ARHGEF18: variants seen among roughly 807,000 people sequenced by gnomAD.
The protein encoded by ARHGEF18 is Rho/Rac guanine nucleotide exchange factor 18, also known as rho guanine nucleotide exchange factor 18.
In ARHGEF18, 93 loss-of-function variants were observed where a neutral mutation model predicts 155.7. The observed-to-expected ratio is 0.60, with a 90% CI of 0.50 to 0.71. The LOEUF (loss-of-function observed/expected upper bound fraction) is 0.71, where lower values mean the gene tolerates loss of function less well. ARHGEF18 is among the 30% of genes least tolerant of loss of function. The pLI, the probability that ARHGEF18 is intolerant of heterozygous loss-of-function variation, is 0.00. For synonymous variants in ARHGEF18, 742 were observed against 753.1 expected, an observed-to-expected ratio of 0.99 and a Z score of 0.24; for missense variants, 1,593 against 1,816.1, an observed-to-expected ratio of 0.88 and a Z score of 2.23.
intron 27 of ARHGEF18, 78 bp from the exon 28 acceptor site, chr19:7,469,826 T>C: frequency 6.4e-7 from 1 of 1,550,396 alleles, no homozygotes; most frequent in South Asian, 1.2e-5. Flanking sequence ...GCCAGGCCCC[T>C]CTGCTCTCGG....
rs1459917142 is a variant in ARHGEF18 at position 7,467,290 on chromosome 19, T to C, written c.3086T>C (p.Leu1029Pro). Residue 1029 changes from leucine to proline, a missense_variant, in exon 26 of 29, where the codon CTG (leucine) becomes CCG (proline). Transcript: ENST00000668164. ...CAGGAGCGGGAGAAGCAGTTCCGGC[T>C]GCAGTCGACGCGTGGGAACCTGCTG... The part of the protein sequence containing the change: ...AIQEREKQFR[L>P]QSTRGNLLLE... 6.5e-7 allele frequency: 1 copy of C among 1,547,050 alleles called. No homozygotes were observed. Among genetic ancestry groups the C allele is most frequent in the African/African-American group, 1.4e-5 (1 of 73,190 alleles).
intron 1 of ARHGEF18, among the ~76,000 whole-genome samples, chr19:7,358,828 T>C (rs866560468): frequency 6.6e-6 from 1 of 152,154 alleles, no homozygotes; most frequent in Non-Finnish European, 1.5e-5. Flanking sequence ...GAGTGAAAAG[T>C]ACATGATGGG....
intron 10 of ARHGEF18, among the ~76,000 whole-genome samples, chr19:7,418,029 G>C (rs867757667): frequency 6.6e-6 from 1 of 152,238 alleles, no homozygotes; most frequent in African/African-American, 2.4e-5. Flanking sequence ...TCACAGTGAA[G>C]ACGGGTTCCT....
In ARHGEF18 at chr19:7,444,878, T is replaced by TC. The variant is rs1974891788; in HGVS notation, c.1611+429dup. 6.6e-6 allele frequency among the ~76,000 whole-genome samples: 1 copy of TC among 152,046 alleles called. No homozygotes were observed. Among genetic ancestry groups the TC allele is most frequent in the African/African-American group, 2.4e-5 (1 of 41,400 alleles). ...AGTCTCAAATTCCTGGCTTAAGCAA[T>TC]CCCCCTGCCTCGGCATCCCAAAGTG... is the stretch of plus-strand genomic sequence containing the variant. On this transcript the variant is annotated intron_variant, in intron 14 of 28. Coordinates refer to ENST00000668164, the MANE Select transcript of ARHGEF18 (RefSeq NM_001367823.1). This position sits in a 1 kb window ranked among gnomAD's most constrained non-coding sequence, Gnocchi z 4.7.
chr19:7,381,756 T>A (rs1051383742), intron 8 of ARHGEF18, among the ~76,000 whole-genome samples: 6 of 152,078 alleles, frequency 3.9e-5, no homozygotes, highest in African/African-American at 1.4e-4. Flanking sequence ...CTTTGAGCAT[T>A]ATCAGTTCTG....
rs745756720 is a variant in ARHGEF18, at chr19:7,468,966, C to T, written c.3622C>T (p.Arg1208Trp). 8.2e-6 allele frequency: 13 copies of T among 1,588,372 alleles called. No homozygotes were observed. Among genetic ancestry groups the T allele is most frequent in the Non-Finnish European group, 9.4e-6 (11 of 1,168,976 alleles). Reference sequence around the variant, plus strand: ...CCGGGACAGCGCCCCCACCGAGAACCGGCTGGCCAAGAGCGATGTGCCCAT... The same window carrying T: ...CCGGGACAGCGCCCCCACCGAGAACTGGCTGGCCAAGAGCGATGTGCCCAT... ...ARRDSAPTEN[R>W]LAKSDVPIQL... The change falls in exon 27 of 29, where the codon CGG becomes TGG. Residue 1208 changes from arginine (R) to tryptophan (W), a missense_variant. Transcript: ENST00000668164.
intron 20 of ARHGEF18, 57 bp downstream of exon 20, chr19:7,460,051 A>G: frequency 1.3e-6 from 2 of 1,508,996 alleles, no homozygotes; most frequent in Non-Finnish European, 1.8e-6. Context: ...TGGGCCCTCC[A>G]TCAGGACTGG....
chr19:7,439,178 C>T (rs1600443925), intron 10 of ARHGEF18, among the ~76,000 whole-genome samples: 1 of 151,988 alleles, frequency 6.6e-6, no homozygotes, highest in African/African-American at 2.4e-5. Flanking sequence ...CCACCGCACC[C>T]GGCCATAGTT....
intron 13 of ARHGEF18, among the ~76,000 whole-genome samples, chr19:7,443,064 T>C (rs1209844339): frequency 1.4e-5 from 2 of 142,112 alleles, no homozygotes; most frequent in East Asian, 4.2e-4. Flanking sequence ...AATTTTTTTT[T>C]TTTTTTTTTT....
chr19:7,383,486 T>C (rs1970847753), intron 10 of ARHGEF18: 1 of 398,360 alleles, frequency 2.5e-6, no homozygotes, highest in African/African-American at 2.1e-5. Flanking sequence ...GCTAGGGCTG[T>C]CATGACAAAG....
At chr19:7,432,435 T>C (rs990635160) in intron 10 of ARHGEF18, among the ~76,000 whole-genome samples, 1 of 152,192 alleles carries the variant, frequency 6.6e-6, no homozygotes, top group Non-Finnish European at 1.5e-5. Flanking sequence ...GACCAGGCCT[T>C]GAAACCGAGG....
At chr19:7,364,402 A>AAGGAAGGC (rs36151895) in intron 2 of ARHGEF18, among the ~76,000 whole-genome samples, 18,760 of 129,258 alleles carry the variant, frequency 0.15, 1,708 homozygotes, top group Middle Eastern at 0.2. Flanking sequence ...GGAAGGAAGG[A>AAGGAAGGC]AGGCAGGCTG....
chr19:7,440,155 G>A lies in ARHGEF18; in HGVS notation c.968-189G>A, dbSNP rs923630180. ...GACAGGCACAGCGCGCTCCCCGGCC[G>A]CCCCGAGCTGTCTTTTTACGGCTCT... On this transcript the variant is annotated intron_variant, in intron 10 of 28. Transcript: ENST00000668164. The surrounding 1 kb of genome is among the most constrained non-coding windows in gnomAD (Gnocchi z 5.4). 1.2e-5 allele frequency: 18 copies of A among 1,551,374 alleles called. No individual in the cohort carries two copies. Among genetic ancestry groups the A allele is most frequent in the Non-Finnish European group, 1.5e-5 (17 of 1,146,934 alleles).
intron 2 of ARHGEF18, among the ~76,000 whole-genome samples, chr19:7,368,685 T>G (rs1393419073): frequency 6.6e-6 from 1 of 151,962 alleles, no homozygotes; most frequent in Non-Finnish European, 1.5e-5. Flanking sequence ...CGTGTTTATA[T>G]TTACAGGAGG....
chr19:7,426,113 A>G lies in ARHGEF18; in HGVS notation c.968-14231A>G, dbSNP rs148339385. ...AGGATGGCTAGAGCCTAGCAGTTGGAGACTGTGGTGAGCCATGACTGCACC... is the reference window on the plus strand; with the variant it reads ...AGGATGGCTAGAGCCTAGCAGTTGGGGACTGTGGTGAGCCATGACTGCACC... On this transcript the variant is annotated intron_variant, in intron 10 of 28. Transcript: ENST00000668164. Among the ~76,000 whole-genome samples, 1,473 of 152,284 alleles carry G rather than the reference A, an allele frequency of 9.7e-3. 19 individuals are homozygous for G. Among genetic ancestry groups the G allele is most frequent in the African/African-American group, 0.034 (1,413 of 41,550 alleles).
In ARHGEF18 at chr19:7,444,332, G is replaced by T; in HGVS notation, c.1489G>T (p.Asp497Tyr). 6.2e-7 allele frequency: 1 copy of T among 1,613,608 alleles called. No individual in the cohort carries two copies. The highest frequency in any genetic ancestry group is 8.5e-7 in the Non-Finnish European group (1 of 1,180,034). ...AIGRLFPCAD[D>Y]LLETHSHFLA... ...TGGCCGCCTCTTCCCATGCGCTGAC[G>T]ACCTGCTGGAGACGCACAGCCACTT... Residue 497 changes from aspartate (D) to tyrosine (Y), a missense_variant, in exon 14 of 29, where the codon GAC becomes TAC. Coordinates refer to ENST00000668164, the MANE Select transcript of ARHGEF18 (RefSeq NM_001367823.1). The surrounding 1 kb of genome is among the most constrained non-coding windows in gnomAD (Gnocchi z 4.7).
At chr19:7,438,860 G>A (rs1393017684) in intron 10 of ARHGEF18, among the ~76,000 whole-genome samples, 1 of 151,858 alleles carries the variant, frequency 6.6e-6, no homozygotes, top group African/African-American at 2.4e-5. Flanking sequence ...ATGAATGATG[G>A]TTGAGCTTTA....
chr19:7,387,368 A>T (rs896026415), intron 10 of ARHGEF18, among the ~76,000 whole-genome samples: 1 of 151,844 alleles, frequency 6.6e-6, no homozygotes, highest in Non-Finnish European at 1.5e-5. Context: ...TAACCAGGAT[A>T]ATCTCGATCT....
chr19:7,440,213 G>A lies in ARHGEF18; in HGVS notation c.968-131G>A, dbSNP rs11878742. The stretch of plus-strand genomic sequence containing the variant: ...GGAAATGGAGCGAGAACGTCTTCTT[G>A]GATAACGAGCTGCTGACCTCCAAGA... On this transcript the variant is annotated intron_variant, in intron 10 of 28. Coordinates refer to ENST00000668164, the MANE Select transcript of ARHGEF18 (RefSeq NM_001367823.1). This position sits in a 1 kb window ranked among gnomAD's most constrained non-coding sequence, Gnocchi z 5.4. 8.6e-3 allele frequency: 13,421 copies of A among 1,551,648 alleles called. 955 individuals carry two copies. The African/African-American group carries it at 0.16, about 18-fold the overall frequency.
Sources: gnomAD v4.1 joint callset for allele counts (sites outside exome capture counted in the v4.1 genomes callset) on GRCh38, gnomAD v4.1.1 for gene constraint, Gnocchi (gnomAD v3.1) non-coding constraint, MANE v1.5 for transcripts, NCBI Gene and HGNC (gene_info 2026-07-23, HGNC 2026-07-21) for gene names.